Variants in KIF6 observed in about 807,000 individuals in gnomAD.
The protein encoded by KIF6 is kinesin-like protein KIF6.
In KIF6, 106 loss-of-function variants were observed where a neutral mutation model predicts 112.7. The observed-to-expected ratio is 0.94, with a 90% confidence interval of 0.80 to 1.11. The LOEUF (loss-of-function observed/expected upper bound fraction) is 1.11. Ranked by LOEUF, KIF6 falls within the 50% of genes least tolerant of loss-of-function variation. KIF6 has a pLI of 0.00. For missense variants in KIF6, 929 were observed against 964.0 expected, an observed-to-expected ratio of 0.96 and a Z score of 0.48; for synonymous variants, 339 against 339.9, an observed-to-expected ratio of 1.00 and a Z score of 0.03.
At chr6:39,657,337 T>C (rs1204930261) in intron 3 of KIF6, among the ~76,000 whole-genome samples, 3 of 152,036 alleles carry the variant, frequency 2.0e-5, no homozygotes, top group Admixed American at 6.5e-5. Context: ...TTTGTAGGGA[T>C]TGAAAAAATC....
intron 13 of KIF6, among the ~76,000 whole-genome samples, chr6:39,472,198 G>A (rs1159965144): frequency 6.6e-6 from 1 of 152,030 alleles, no homozygotes; most frequent in African/African-American, 2.4e-5. Context: ...GCTCTTCCAA[G>A]CTCACCTACC....
At chr6:39,648,250 C>T (rs1414692162) in intron 3 of KIF6, among the ~76,000 whole-genome samples, 1 of 149,738 alleles carries the variant, frequency 6.7e-6, no homozygotes, top group Non-Finnish European at 1.5e-5. Flanking sequence ...CCATGTTGGC[C>T]AGGCTGGTCT....
chr6:39,669,941 C>T (rs536805196), intron 3 of KIF6, among the ~76,000 whole-genome samples: 1 of 152,246 alleles, frequency 6.6e-6, no homozygotes, highest in South Asian at 2.1e-4. Flanking sequence ...TCTGAGAAGC[C>T]CAGACAAGAC....
intron 3 of KIF6, among the ~76,000 whole-genome samples, chr6:39,654,111 C>T (rs566450860): frequency 1.3e-5 from 2 of 152,036 alleles, no homozygotes; most frequent in South Asian, 2.1e-4. Context: ...CCGATAGTAA[C>T]GAGAGGCTAA....
intron 2 of KIF6, 177 bp from the exon 3 acceptor site, chr6:39,714,943 T>C (rs1789746485): frequency 1.8e-6 from 1 of 569,056 alleles, no homozygotes; most frequent in Non-Finnish European, 3.1e-6. Context: ...TGTACTCCTG[T>C]ATACAAATGG....
intron 6 of KIF6, among the ~76,000 whole-genome samples, chr6:39,609,123 A>G (rs1783055909): frequency 6.6e-6 from 1 of 152,188 alleles, no homozygotes; most frequent in African/African-American, 2.4e-5. Context: ...GTAGAAAAGA[A>G]GGTCTCCAAA....
At chr6:39,431,721 C>T (rs908082901) in intron 13 of KIF6, among the ~76,000 whole-genome samples, 3 of 152,148 alleles carry the variant, frequency 2.0e-5, no homozygotes, top group Non-Finnish European at 4.4e-5. Flanking sequence ...CTGGCCATGG[C>T]AGGGGTCCCT....
chr6:39,478,762 C>T (rs542709434), intron 13 of KIF6, among the ~76,000 whole-genome samples: 20 of 144,084 alleles, frequency 1.4e-4, no homozygotes, highest in Non-Finnish European at 2.1e-4. Flanking sequence ...ATGCCAACAT[C>T]TATTTTTTTT....
rs70984138 is a variant in KIF6 at position 39,677,507 on chromosome 6, T to TTTTATTTATTTATTTA, written c.251+37169_251+37184dup. 2.3e-3 allele frequency among the ~76,000 whole-genome samples: 336 copies of TTTTATTTATTTATTTA among 146,154 alleles called. 1 individual carries two copies. The highest frequency in any genetic ancestry group is 6.3e-3 in the African/African-American group (252 of 39,774). Reference sequence around the variant, plus strand: ...TAGTTATTAAAAAGACTTCAGACAATTTTATTTATTTATTTATTTATTTAT... The same window carrying TTTTATTTATTTATTTA: ...TAGTTATTAAAAAGACTTCAGACAATTTTATTTATTTATTTATTTATTTATTTATTTATTTATTTAT... On this transcript the variant is annotated intron_variant, in intron 3 of 22. Transcript: ENST00000287152.
At chr6:39,621,221 ACACACACACACG>A (rs1387500235) in intron 5 of KIF6, among the ~76,000 whole-genome samples, 16 of 137,290 alleles carry the variant, frequency 1.2e-4, no homozygotes, top group African/African-American at 3.9e-4. Context: ...ACACACACAC[ACACACACACACG>A]TACACATATA....
At chr6:39,702,276 A>G (rs564648106) in intron 3 of KIF6, among the ~76,000 whole-genome samples, 4 of 152,232 alleles carry the variant, frequency 2.6e-5, no homozygotes, top group Admixed American at 1.3e-4. Flanking sequence ...CAAGAGTGAT[A>G]GTCTGATGGC....
chr6:39,501,027 T>G (rs1272087502), intron 13 of KIF6, among the ~76,000 whole-genome samples: 1 of 152,134 alleles, frequency 6.6e-6, no homozygotes, highest in African/African-American at 2.4e-5. Flanking sequence ...CACCTTCAAC[T>G]GAAATATCTA....
intron 5 of KIF6, among the ~76,000 whole-genome samples, chr6:39,619,344 A>G (rs1783693542): frequency 6.6e-6 from 1 of 152,162 alleles, no homozygotes; most frequent in South Asian, 2.1e-4. Context: ...GGACTCTTGT[A>G]AGTCTGAATT....
At chr6:39,692,879 A>G (rs1227075734) in intron 3 of KIF6, among the ~76,000 whole-genome samples, 2 of 152,208 alleles carry the variant, frequency 1.3e-5, no homozygotes, top group Non-Finnish European at 2.9e-5. Flanking sequence ...AATATAAAAA[A>G]GCCTCACTTT....
chr6:39,503,469 A>C (rs1463315486), intron 13 of KIF6, among the ~76,000 whole-genome samples: 1 of 152,200 alleles, frequency 6.6e-6, no homozygotes, highest in Non-Finnish European at 1.5e-5. Context: ...AGAAATAACC[A>C]ATATCAGAGC....
At chr6:39,506,496 T>C (rs1582004340) in intron 13 of KIF6, among the ~76,000 whole-genome samples, 2 of 152,248 alleles carry the variant, frequency 1.3e-5, no homozygotes, top group East Asian at 3.9e-4. Flanking sequence ...CCTGCACATG[T>C]ATCCCTGAAC....
At chr6:39,365,510 T>G (rs541239545) in intron 16 of KIF6, among the ~76,000 whole-genome samples, 1 of 152,326 alleles carries the variant, frequency 6.6e-6, no homozygotes, top group South Asian at 2.1e-4. Flanking sequence ...TGAGGGTGAC[T>G]CAGTGCCTCG....
At chr6:39,470,269 T>C (rs1774039697) in intron 13 of KIF6, among the ~76,000 whole-genome samples, 2 of 152,032 alleles carry the variant, frequency 1.3e-5, no homozygotes, top group Non-Finnish European at 2.9e-5. Flanking sequence ...CTAGGAGCAA[T>C]TGCACATGGT....
chr6:39,356,732 A>G (rs1331501296), intron 19 of KIF6, among the ~76,000 whole-genome samples: 1 of 151,900 alleles, frequency 6.6e-6, no homozygotes, highest in African/African-American at 2.4e-5. Flanking sequence ...CCTCGGTGCT[A>G]CCCCCTGGGT....
Sources: gnomAD v4.1 joint callset for allele counts (sites outside exome capture counted in the v4.1 genomes callset) on GRCh38, gnomAD v4.1.1 for gene constraint, MANE v1.5 for transcripts, NCBI Gene and HGNC (gene_info 2026-07-23, HGNC 2026-07-21) for gene names.